SLC9A2: variants seen among roughly 807,000 people sequenced by gnomAD.
The protein encoded by SLC9A2 is sodium/hydrogen exchanger 2.
SLC9A2 carries 42 observed loss-of-function variants against 71.7 expected under a neutral mutation model. The observed-to-expected ratio is 0.59, with a 90% CI of 0.46 to 0.76. The LOEUF is 0.76. Among genes scored for constraint, SLC9A2 ranks in the 30% least tolerant of loss-of-function variants. The probability of loss-of-function intolerance (pLI) is 0.00; values close to 1 mark genes in which losing one functional copy is unlikely to be tolerated. For missense variants in SLC9A2, 829 were observed against 1,017.4 expected (o/e 0.81, Z 2.52); for synonymous variants, 396 against 392.5 (o/e 1.01, Z -0.10).
intron 3 of SLC9A2, among the ~76,000 whole-genome samples, chr2:102,668,921 A>C (rs6717935): frequency 0.065 from 9,946 of 152,206 alleles, 657 homozygotes; most frequent in African/African-American, 0.17. Context: ...GATGTCACTT[A>C]CTTAATGAGC....
Position 102,684,349 on chromosome 2 carries a change from A to G in SLC9A2, c.1425+13A>G. ...TGTCTTCATTCTGGTAAGTAGAGTG[A>G]TCCCTTTACCAGGAGGGTAAAAAAT... On this transcript the variant is annotated intron_variant, in intron 5 of 11. Coordinates refer to ENST00000233969, the MANE Select transcript of SLC9A2 (RefSeq NM_003048.6). The G allele has an allele frequency of 6.2e-7, 1 of 1,606,812 alleles. No homozygotes were observed. The highest frequency in any genetic ancestry group is 1.1e-5 in the South Asian group (1 of 90,924).
chr2:102,702,438 C>T lies in SLC9A2; in HGVS notation c.1781C>T (p.Thr594Met), dbSNP rs751114161. The change falls in exon 9 of 12, where the codon ACG (threonine) becomes ATG (methionine). Residue 594 changes from threonine (T) to methionine (M), a missense_variant. By Grantham distance (81) the Thr-to-Met change is moderately conservative (BLOSUM62 -1). Transcript: ENST00000233969. ...DCREEKIRKV[T>M]SSETDEIREL... ...CGTGAAGAAAAAATAAGGAAGGTCA[C>T]GTCCAGTGAAACTGATGAAATTCGA... 25 of 1,600,352 alleles carry T rather than the reference C, an allele frequency of 1.6e-5. No individual in the cohort carries two copies. The highest frequency in any genetic ancestry group is 1.1e-4 in the Admixed American group (6 of 57,028).
chr2:102,662,075 C>T (rs536249452), intron 2 of SLC9A2, among the ~76,000 whole-genome samples: 9 of 152,208 alleles, frequency 5.9e-5, no homozygotes, highest in Non-Finnish European at 1.0e-4. Context: ...GTTAAGGTAA[C>T]GCTCCTACCT....
At chr2:102,685,846 G>A (rs1269770027) in intron 5 of SLC9A2, among the ~76,000 whole-genome samples, 11 of 152,170 alleles carry the variant, frequency 7.2e-5, no homozygotes, top group Non-Finnish European at 1.3e-4. Context: ...TCAGGAAAGA[G>A]GCTCTCTGGC....
At chr2:102,685,310 T>C (rs1177631370) in intron 5 of SLC9A2, among the ~76,000 whole-genome samples, 1 of 152,160 alleles carries the variant, frequency 6.6e-6, no homozygotes, top group Non-Finnish European at 1.5e-5. Context: ...AAGCAGGGTC[T>C]GGAGTCCTAC....
chr2:102,686,647 T>C (rs1363100903), intron 5 of SLC9A2: 1 of 152,316 alleles, frequency 6.6e-6, no homozygotes, highest in Non-Finnish European at 1.5e-5. Context: ...GCCCTCTTTA[T>C]TTTGGAAGAC....
chr2:102,656,661 G>A (rs532274637), intron 1 of SLC9A2, among the ~76,000 whole-genome samples: 1 of 152,288 alleles, frequency 6.6e-6, no homozygotes, highest in East Asian at 1.9e-4. Flanking sequence ...TGTTCCAAAT[G>A]CAAGAATCAG....
chr2:102,662,403 A>C (rs1394790611), intron 2 of SLC9A2, among the ~76,000 whole-genome samples: 3 of 152,050 alleles, frequency 2.0e-5, no homozygotes, highest in Non-Finnish European at 4.4e-5. Flanking sequence ...GGAGGAAAAG[A>C]AGAAGGAGAC....
rs971228666 is a variant in SLC9A2, at chr2:102,701,344, G to A, written c.1748+113G>A. The A allele has an allele frequency of 1.2e-5, 10 of 821,222 alleles. No homozygotes were observed. In the South Asian group the frequency reaches 1.4e-4, roughly 12 times the overall value. The allele number at this position is 821,222 out of a possible 1,614,324, so 50.9% of individuals were successfully genotyped here. On this transcript the variant is annotated intron_variant, in intron 8 of 11. Transcript: ENST00000233969. Reference sequence around the variant, plus strand: ...TATTATTAATTGATCCGCCCCCCTCGGCCTCCCAGAGTGCTGGGATTACAG... The same window carrying A: ...TATTATTAATTGATCCGCCCCCCTCAGCCTCCCAGAGTGCTGGGATTACAG...
Position 102,620,216 on chromosome 2 carries a change from G to C in SLC9A2, c.289+79G>C, listed in dbSNP as rs560676392. 5 of 1,321,950 alleles carry C rather than the reference G, an allele frequency of 3.8e-6. No individual in the cohort carries two copies. In the South Asian group the frequency reaches 7.0e-5, roughly 19 times the overall value. The allele number at this position is 1,321,950 out of a possible 1,614,324, so 81.9% of individuals were successfully genotyped here. A position where few individuals can be genotyped will look rare whatever the true frequency, so the allele number is the denominator to read the frequency against. ...TGGAGGGTGACCGGGTCAGCCAGCT[G>C]ACCTCTAGATAGTGACCGCCTCATC... is the stretch of plus-strand genomic sequence containing the variant. On this transcript the variant is annotated intron_variant, in intron 1 of 11. Transcript: ENST00000233969.
At chr2:102,629,836 G>A (rs1449319110) in intron 1 of SLC9A2, among the ~76,000 whole-genome samples, 2 of 152,098 alleles carry the variant, frequency 1.3e-5, no homozygotes, top group Non-Finnish European at 2.9e-5. Context: ...GTGATTTTGA[G>A]TATATAACTT....
chr2:102,692,970 G>T (rs970644380), intron 5 of SLC9A2, among the ~76,000 whole-genome samples: 16 of 151,532 alleles, frequency 1.1e-4, no homozygotes, highest in Middle Eastern at 3.5e-3. Flanking sequence ...TGCATATTTA[G>T]TATCTATATA....
chr2:102,679,150 G>A (rs919007160), intron 3 of SLC9A2, among the ~76,000 whole-genome samples: 3 of 152,110 alleles, frequency 2.0e-5, no homozygotes, highest in East Asian at 1.9e-4. Flanking sequence ...TCCCTGAACA[G>A]GACACTACCA....
At chr2:102,693,975 ATTATT>A (rs1029593548) in intron 5 of SLC9A2, among the ~76,000 whole-genome samples, 20 of 152,164 alleles carry the variant, frequency 1.3e-4, no homozygotes, top group African/African-American at 4.6e-4. Context: ...TATTATTACT[ATTATT>A]ATTATTTTGA....
intron 1 of SLC9A2, among the ~76,000 whole-genome samples, chr2:102,642,679 A>C (rs1676605964): frequency 6.6e-6 from 1 of 152,252 alleles, no homozygotes. Flanking sequence ...TTAGCTTCAT[A>C]AAATGAATTG....
chr2:102,691,376 A>C (rs1677658788), intron 5 of SLC9A2, among the ~76,000 whole-genome samples: 1 of 152,130 alleles, frequency 6.6e-6, no homozygotes, highest in Admixed American at 6.5e-5. Context: ...CTAAATTAGA[A>C]ATTTTCTAAT....
At chr2:102,701,316 A>C (rs1001112827) in intron 8 of SLC9A2, 85 bp downstream of exon 8, 2 of 1,026,632 alleles carry the variant, frequency 1.9e-6, no homozygotes, top group African/African-American at 1.7e-5. Context: ...ATTTTAAAAA[A>C]ATTATTATTA....
chr2:102,694,519 G>A lies in SLC9A2; in HGVS notation c.1515+16G>A. On this transcript the variant is annotated intron_variant, in intron 6 of 11. Transcript: ENST00000233969. ...CTATTGTCGGGTAGGTGTTAAGAGAGTGTAATAATTTTAATGATAAAGGAA... is the reference window on the plus strand; with the variant it reads ...CTATTGTCGGGTAGGTGTTAAGAGAATGTAATAATTTTAATGATAAAGGAA... 1.5e-6 allele frequency: 2 copies of A among 1,327,140 alleles called. No homozygotes were observed. The highest frequency in any genetic ancestry group is 1.4e-5 in the African/African-American group (1 of 69,202). The allele number at this position is 1,327,140 out of a possible 1,614,324, so 82.2% of individuals were successfully genotyped here.
At chr2:102,673,224 T>A (rs1406646121) in intron 3 of SLC9A2, among the ~76,000 whole-genome samples, 3 of 152,170 alleles carry the variant, frequency 2.0e-5, no homozygotes, top group Non-Finnish European at 2.9e-5. Flanking sequence ...AATAATAATA[T>A]AAGTTTAAGT....
Sources: gnomAD v4.1 joint callset for allele counts (sites outside exome capture counted in the v4.1 genomes callset) on GRCh38, gnomAD v4.1.1 for gene constraint, MANE v1.5 for transcripts, NCBI Gene and HGNC (gene_info 2026-07-23, HGNC 2026-07-21) for gene names.